Variants in IQGAP3 observed in about 807,000 individuals in gnomAD.
The protein encoded by IQGAP3 is ras GTPase-activating-like protein IQGAP3.
In IQGAP3, 165 loss-of-function variants were observed where a neutral mutation model predicts 208.2. The observed-to-expected ratio is 0.79, with a 90% CI of 0.70 to 0.90. The LOEUF (loss-of-function observed/expected upper bound fraction) is 0.90, where lower values mean the gene tolerates loss of function less well. Ranked by LOEUF, IQGAP3 falls within the 40% of genes least tolerant of loss-of-function variation. The probability of loss-of-function intolerance (pLI) is 0.00; values close to 1 mark genes in which losing one functional copy is unlikely to be tolerated. For missense variants in IQGAP3, 1,811 were observed against 2,043.1 expected, an observed-to-expected ratio of 0.89 and a Z score of 2.19; for synonymous variants, 703 against 803.6, an observed-to-expected ratio of 0.87 and a Z score of 2.12.
chr1:156,534,103 T>C lies in IQGAP3; in HGVS notation c.3779A>G (p.Glu1260Gly), dbSNP rs201294509. 6.2e-7 allele frequency: 1 copy of C among 1,614,022 alleles called. No individual in the cohort carries two copies. Among genetic ancestry groups the C allele is most frequent in the South Asian group, 1.1e-5 (1 of 91,088 alleles). ...GTACTCGTCCACTGCAAAACGCTCC[T>C]CTGGCTCTGGCACCTGGCAGGCTCT... ...IHRACQVPEP[E>G]ERFAVDEYSD... Residue 1260 changes from glutamate to glycine, a missense_variant, in exon 30 of 38, where the codon GAG (glutamate) becomes GGG (glycine). Physicochemically the swap from Glu to Gly is moderately conservative, Grantham distance 98. Transcript: ENST00000361170.
At chr1:156,540,568 GC>G (rs1248335139) in intron 23 of IQGAP3, 139 bp downstream of exon 23, 3 of 671,168 alleles carry the variant, frequency 4.5e-6, no homozygotes, top group Non-Finnish European at 7.7e-6. Context: ...ATGGCAGAGG[GC>G]CACTGGAACA....
At position 156,534,222 on chromosome 1, in the gene IQGAP3, TCTCCAGTGATTG is replaced by T. The variant is rs1674571724; in HGVS notation, c.3741-93_3741-82del. On this transcript the variant is annotated intron_variant, in intron 29 of 37. Coordinates refer to ENST00000361170, the MANE Select transcript of IQGAP3 (RefSeq NM_178229.5). Reference sequence around the variant, plus strand: ...TCTGTCCCCATCATTTCCCCAGCCTTCTCCAGTGATTGCTCAGGCCAATTTGGACTCTCCAGT... The same window carrying T: ...TCTGTCCCCATCATTTCCCCAGCCTTCTCAGGCCAATTTGGACTCTCCAGT... 6 of 1,592,036 alleles carry T rather than the reference TCTCCAGTGATTG, an allele frequency of 3.8e-6. No individual in the cohort carries two copies. The Admixed American group carries it at 5.0e-5, about 13-fold the overall frequency.
At chr1:156,539,708 C>T (rs1674882904) in intron 24 of IQGAP3, 130 bp downstream of exon 24, 1 of 1,250,934 alleles carries the variant, frequency 8.0e-7, no homozygotes, top group Non-Finnish European at 1.1e-6. Context: ...GTCTCCTTTC[C>T]TGGGGATAAG....
chr1:156,563,904 T>C (rs1340843869), intron 5 of IQGAP3, 80 bp from the exon 6 acceptor site: 37 of 1,163,350 alleles, frequency 3.2e-5, no homozygotes, highest in Non-Finnish European at 4.0e-5. Context: ...TTGAAGGGGA[T>C]ACTATGGGGA....
At chr1:156,565,724 T>C (rs1676371956) in intron 4 of IQGAP3, among the ~76,000 whole-genome samples, 1 of 152,142 alleles carries the variant, frequency 6.6e-6, no homozygotes, top group Non-Finnish European at 1.5e-5. Flanking sequence ...ACTGTGAAAT[T>C]TGGTGGAGAC....
At chr1:156,563,091 C>T in intron 8 of IQGAP3, 43 bp downstream of exon 8, 1 of 1,505,712 alleles carries the variant, frequency 6.6e-7, no homozygotes, top group Non-Finnish European at 9.0e-7. Flanking sequence ...GACTTTCCAG[C>T]CACTCAACTT....
At position 156,534,140 on chromosome 1, in the gene IQGAP3, T is replaced by G; in HGVS notation, c.3742A>C (p.Lys1248Gln). The change falls in exon 30 of 38, where the codon AAG (lysine) becomes CAG (glutamine). Residue 1248 changes from lysine to glutamine, a missense_variant and splice_region_variant. Coordinates refer to ENST00000361170, the MANE Select transcript of IQGAP3 (RefSeq NM_178229.5). ...YLEETHLKFRKFIHRACQVPE... is the reference protein window; with the variant it reads ...YLEETHLKFRQFIHRACQVPE... Reference sequence around the variant, plus strand: ...ACCTGGCAGGCTCTATGGATGAACTTCCTGTCCAGAGGGCGGGCATGTGAG... The same window carrying G: ...ACCTGGCAGGCTCTATGGATGAACTGCCTGTCCAGAGGGCGGGCATGTGAG... The G allele has an allele frequency of 6.2e-7, 1 of 1,613,442 alleles. No individual in the cohort carries two copies. Among genetic ancestry groups the G allele is most frequent in the Non-Finnish European group, 8.5e-7 (1 of 1,179,996 alleles).
intron 2 of IQGAP3, among the ~76,000 whole-genome samples, chr1:156,567,233 T>G (rs956283292): frequency 6.6e-5 from 10 of 152,222 alleles, no homozygotes; most frequent in Admixed American, 1.3e-4. Flanking sequence ...GGTTGTTCTC[T>G]GAGAACCTGG....
At position 156,551,719 on chromosome 1, in the gene IQGAP3, T is replaced by C. The variant is rs1675555018; in HGVS notation, c.1720A>G (p.Arg574Gly). ...RYHLLLVAAK[R>G]QKAQVTGDPG... Reference sequence around the variant, plus strand: ...CCTAACTTCACCTGGGCCTTCTGCCTTTTGGCTGCCACAAGGAGGAGATGG... The same window carrying C: ...CCTAACTTCACCTGGGCCTTCTGCCCTTTGGCTGCCACAAGGAGGAGATGG... Residue 574 changes from arginine to glycine, a missense_variant, in exon 15 of 38, where the codon AGG (arginine) becomes GGG (glycine). Coordinates refer to ENST00000361170, the MANE Select transcript of IQGAP3 (RefSeq NM_178229.5). 6.2e-7 allele frequency: 1 copy of C among 1,610,954 alleles called. No homozygotes were observed. The highest frequency in any genetic ancestry group is 1.7e-5 in the Admixed American group (1 of 59,494).
chr1:156,549,836 T>C (rs1051834832), intron 16 of IQGAP3, among the ~76,000 whole-genome samples: 1 of 152,188 alleles, frequency 6.6e-6, no homozygotes, highest in Non-Finnish European at 1.5e-5. Context: ...CTATTTGCAC[T>C]GAGTCTGCCT....
rs770174252 is a variant in IQGAP3, at chr1:156,561,899, C to T, written c.980G>A (p.Arg327Lys). The change falls in exon 10 of 38, where the codon AGG becomes AAG. Residue 327 changes from arginine to lysine, a missense_variant. Coordinates refer to ENST00000361170, the MANE Select transcript of IQGAP3 (RefSeq NM_178229.5). ...QDPALALRGVRRDFADWYLEQ... is the reference protein window; with the variant it reads ...QDPALALRGVKRDFADWYLEQ... ...CAGGTACCAGTCAGCAAAGTCTCTC[C>T]TCACCCCTCGCAGGGCCAGGGCAGG... 112 of 1,613,950 alleles carry T rather than the reference C, an allele frequency of 6.9e-5. No homozygotes were observed. Among genetic ancestry groups the T allele is most frequent in the Non-Finnish European group, 9.2e-5 (109 of 1,180,010 alleles).
Position 156,538,885 on chromosome 1 carries a change from G to A in IQGAP3, c.3205C>T (p.Leu1069Phe), listed in dbSNP as rs775487520. The change falls in exon 26 of 38, where the codon CTC becomes TTC. Residue 1069 changes from leucine (L) to phenylalanine (F), a missense_variant. Leu to Phe is a conservative substitution (Grantham distance 22, BLOSUM62 0). Transcript: ENST00000361170. ...TGGACAGGGTCTGTGTGGACGCTGAGCACTTTGTCTTCTAGCACATCCTGG... is the reference window on the plus strand; with the variant it reads ...TGGACAGGGTCTGTGTGGACGCTGAACACTTTGTCTTCTAGCACATCCTGG... The part of the protein sequence containing the change: ...VIQDVLEDKV[L>F]SVHTDPVHLY... 2 of 1,614,178 alleles carry A rather than the reference G, an allele frequency of 1.2e-6. No individual in the cohort carries two copies. Among genetic ancestry groups the A allele is most frequent in the East Asian group, 2.2e-5 (1 of 44,880 alleles).
intron 25 of IQGAP3, 116 bp from the exon 26 acceptor site, chr1:156,539,149 G>C (rs1674856585): frequency 2.1e-6 from 2 of 934,602 alleles, no homozygotes; most frequent in South Asian, 3.0e-5. Context: ...CGCTCTTAAG[G>C]AATGTCTTGA....
chr1:156,550,948 C>G (rs1018620108), intron 15 of IQGAP3, among the ~76,000 whole-genome samples: 1 of 152,216 alleles, frequency 6.6e-6, no homozygotes, highest in African/African-American at 2.4e-5. Flanking sequence ...CCAGATTCTA[C>G]TCCTTCCCAA....
At chr1:156,528,351 C>G (rs994442816) in intron 36 of IQGAP3, among the ~76,000 whole-genome samples, 158 bp downstream of exon 36, 1 of 152,210 alleles carries the variant, frequency 6.6e-6, no homozygotes, top group Non-Finnish European at 1.5e-5. Context: ...CAGCCCTTCA[C>G]TTTCTGTCTG....
At position 156,534,563 on chromosome 1, in the gene IQGAP3, A is replaced by G. The variant is rs1345530526; in HGVS notation, c.3678T>C (p.Ser1226=). The G allele has an allele frequency of 6.2e-7, 1 of 1,611,918 alleles. No individual in the cohort carries two copies. Among genetic ancestry groups the G allele is most frequent in the Non-Finnish European group, 8.5e-7 (1 of 1,179,026 alleles). ...LQHAAAGKAF[S]GQSQHLRVLN... is the part of the protein sequence containing the mutation. ...GGACCCGTAGGTGCTGGCTCTGCCCAGAGAAGGCCTTGCCAGCCGCAGCGT... is the reference window on the plus strand; with the variant it reads ...GGACCCGTAGGTGCTGGCTCTGCCCGGAGAAGGCCTTGCCAGCCGCAGCGT... Residue 1226 remains serine (S), a synonymous_variant, in exon 29 of 38, where the codon TCT becomes TCC. Coordinates refer to ENST00000361170, the MANE Select transcript of IQGAP3 (RefSeq NM_178229.5).
intron 15 of IQGAP3, among the ~76,000 whole-genome samples, chr1:156,550,741 C>G (rs1164866238): frequency 6.6e-6 from 1 of 152,214 alleles, no homozygotes; most frequent in Non-Finnish European, 1.5e-5. Flanking sequence ...CCACGCCCCA[C>G]TCCCCTATGC....
At chr1:156,556,723 T>C (rs1434737336) in intron 11 of IQGAP3, 30 bp from the exon 12 acceptor site, 1 of 1,484,640 alleles carries the variant, frequency 6.7e-7, no homozygotes, top group African/African-American at 1.4e-5. Context: ...CAGGTTGTAC[T>C]GGCCGGGCAT....
At position 156,559,199 on chromosome 1, in the gene IQGAP3, T is replaced by C. The variant is rs1428327049; in HGVS notation, c.1129+1735A>G. 2.0e-5 allele frequency among the ~76,000 whole-genome samples: 3 copies of C among 151,880 alleles called. No individual in the cohort carries two copies. In the East Asian group the frequency reaches 5.8e-4, roughly 29 times the overall value. Reference sequence around the variant, plus strand: ...AGTGGCTGTCATAGCAGAGGGTGAGTTCCTAAGGTGGTGAGCACAAGATTG... The same window carrying C: ...AGTGGCTGTCATAGCAGAGGGTGAGCTCCTAAGGTGGTGAGCACAAGATTG... On this transcript the variant is annotated intron_variant, in intron 11 of 37. Transcript: ENST00000361170.
Sources: allele counts gnomAD v4.1 joint callset (sites outside exome capture counted in the v4.1 genomes callset), GRCh38; gene constraint gnomAD v4.1.1; transcripts MANE v1.5; gene names NCBI Gene and HGNC (gene_info 2026-07-23, HGNC 2026-07-21).